The following TGIF2 variants were observed in gnomAD, a reference collection of about 807,000 sequenced individuals.
TGIF2 encodes the protein homeobox protein TGIF2.
A neutral mutation model predicts 15.1 loss-of-function variants in TGIF2; 5 were observed. That is an observed-to-expected ratio of 0.33 (90% confidence interval 0.17 to 0.70). The LOEUF (loss-of-function observed/expected upper bound fraction) is 0.70. TGIF2 is among the 30% of genes least tolerant of loss of function. TGIF2 has a pLI of 0.67. For missense variants in TGIF2, 264 were observed against 302.5 expected, an observed-to-expected ratio of 0.87 and a Z score of 0.94; for synonymous variants, 131 against 128.9, an observed-to-expected ratio of 1.02 and a Z score of -0.11.
Position 36,590,941 on chromosome 20 carries a change from G to A in TGIF2, c.224G>A (p.Arg75Gln), listed in dbSNP as rs753577002. 2.0e-6 allele frequency: 3 copies of A among 1,519,010 alleles called. No individual in the cohort carries two copies. The highest frequency in any genetic ancestry group is 2.2e-5 in the Admixed American group (1 of 45,356). The allele number at this position is 1,519,010 out of a possible 1,614,324, so 94.1% of individuals were successfully genotyped here. A position where few individuals can be genotyped will look rare whatever the true frequency, so the allele number is the denominator to read the frequency against. The change falls in exon 3 of 3, where the codon CGG (arginine) becomes CAG (glutamine). Residue 75 changes from arginine (R) to glutamine (Q), a missense_variant. Arg to Gln is a conservative substitution (Grantham distance 43). Transcript: ENST00000373872. ...AACTGGTTCATCAATGCCCGGCGGC[G>A]GCTTCTCCCAGACATGCTTCGGAAG... The part of the protein sequence containing the change: ...ICNWFINARR[R>Q]LLPDMLRKDG...
At chr20:36,587,723 AC>A (rs1454362969) in intron 2 of TGIF2, among the ~76,000 whole-genome samples, 10 of 152,058 alleles carry the variant, frequency 6.6e-5, no homozygotes, top group Non-Finnish European at 1.5e-4. Context: ...TCATCATATA[AC>A]CTGTGTGATA....
rs2038806818 is a variant in TGIF2 at position 36,593,836 on chromosome 20, A to T, written c.*2405A>T. ...GACTCTGCTTGGGTTTGGTTGTAAG[A>T]TAAACCTGGAGGAGAAGCACAGTTG... is the stretch of plus-strand genomic sequence containing the variant. On this transcript the variant is annotated 3_prime_UTR_variant, in exon 3 of 3. Coordinates refer to ENST00000373872, the MANE Select transcript of TGIF2 (RefSeq NM_021809.7). The T allele has an allele frequency of 6.6e-6, 1 of 152,638 alleles. No individual in the cohort carries two copies. Among genetic ancestry groups the T allele is most frequent in the African/African-American group, 2.4e-5 (1 of 41,460 alleles). The allele number at this position is 152,638 out of a possible 1,614,324, so 9.5% of individuals were successfully genotyped here. A position where few individuals can be genotyped will look rare whatever the true frequency, so the allele number is the denominator to read the frequency against.
At position 36,591,019 on chromosome 20, in the gene TGIF2, C is replaced by T. The variant is rs373249992; in HGVS notation, c.302C>T (p.Ser101Leu). 1.8e-5 allele frequency: 29 copies of T among 1,598,738 alleles called. No individual in the cohort carries two copies. The highest frequency in any genetic ancestry group is 2.2e-5 in the Non-Finnish European group (26 of 1,168,590). ...FTISRRGGKA[S>L]DVALPRGSSP... Reference sequence around the variant, plus strand: ...ATTTCCCGCCGCGGGGGTAAGGCCTCAGATGTGGCCCTCCCCCGTGGCAGC... The same window carrying T: ...ATTTCCCGCCGCGGGGGTAAGGCCTTAGATGTGGCCCTCCCCCGTGGCAGC... The change falls in exon 3 of 3, where the codon TCA becomes TTA. Residue 101 changes from serine to leucine, a missense_variant. Ser to Leu is a moderately radical substitution (Grantham distance 145, BLOSUM62 -2). Coordinates refer to ENST00000373872, the MANE Select transcript of TGIF2 (RefSeq NM_021809.7). The surrounding 1 kb of genome is among the most constrained non-coding windows in gnomAD (Gnocchi z 5.3).
chr20:36,584,310 C>G lies in TGIF2; in HGVS notation c.192+5344C>G, dbSNP rs182256779. On this transcript the variant is annotated intron_variant, in intron 2 of 2. Transcript: ENST00000373872. Reference sequence around the variant, plus strand: ...AAACTGTAATTGCTTTTAGACTGCACCAAATTCTAGAGGTGTGGAGAGCAC... The same window carrying G: ...AAACTGTAATTGCTTTTAGACTGCAGCAAATTCTAGAGGTGTGGAGAGCAC... Among the ~76,000 whole-genome samples, 236 of 152,266 alleles carry G rather than the reference C, an allele frequency of 1.5e-3. 1 individual carries two copies. Among genetic ancestry groups the G allele is most frequent in the East Asian group, 5.6e-3 (29 of 5,180 alleles).
chr20:36,574,306 G>T (rs977644101), intron 1 of TGIF2, among the ~76,000 whole-genome samples: 1 of 152,002 alleles, frequency 6.6e-6, no homozygotes. Context: ...CGGGGCGCGT[G>T]GGGCCGGCGC....
chr20:36,588,835 C>T (rs1464327959), intron 2 of TGIF2, among the ~76,000 whole-genome samples: 1 of 152,174 alleles, frequency 6.6e-6, no homozygotes, highest in Non-Finnish European at 1.5e-5. Context: ...AGAAGAAGGA[C>T]CTAGAGTGTG....
intron 2 of TGIF2, among the ~76,000 whole-genome samples, chr20:36,582,781 G>A (rs1237029973): frequency 6.6e-6 from 1 of 152,180 alleles, no homozygotes; most frequent in Non-Finnish European, 1.5e-5. Flanking sequence ...CTCCTTGATG[G>A]AAACTGACCA....
At chr20:36,585,268 C>T (rs1223474191) in intron 2 of TGIF2, among the ~76,000 whole-genome samples, 2 of 151,916 alleles carry the variant, frequency 1.3e-5, no homozygotes, top group Middle Eastern at 3.4e-3. Flanking sequence ...GAGGCTGAAG[C>T]GGGTGTATCA....
At chr20:36,589,811 C>T (rs1371190791) in intron 2 of TGIF2, among the ~76,000 whole-genome samples, 2 of 152,124 alleles carry the variant, frequency 1.3e-5, no homozygotes, top group Non-Finnish European at 2.9e-5. Context: ...ACCTCAGCCT[C>T]GCAAGTAGCC....
At chr20:36,580,633 G>GTACAAAAC (rs2038524455) in intron 2 of TGIF2, among the ~76,000 whole-genome samples, 1 of 151,072 alleles carries the variant, frequency 6.6e-6, no homozygotes. Context: ...GCAACATAGG[G>GTACAAAAC]AGACCCCATC....
intron 2 of TGIF2, among the ~76,000 whole-genome samples, chr20:36,587,097 G>A (rs2038675477): frequency 6.6e-6 from 1 of 152,208 alleles, no homozygotes. Flanking sequence ...GTGGAGACAA[G>A]TCACAGGTTC....
chr20:36,583,871 G>T (rs150731663), intron 2 of TGIF2, among the ~76,000 whole-genome samples: 92 of 152,038 alleles, frequency 6.1e-4, no homozygotes, highest in African/African-American at 2.0e-3. Context: ...CACTCCAGCC[G>T]GGGCAACAGA....
intron 2 of TGIF2, among the ~76,000 whole-genome samples, chr20:36,583,278 A>AAAC: frequency 6.6e-6 from 1 of 151,626 alleles, no homozygotes; most frequent in East Asian, 1.9e-4. Flanking sequence ...TCAAAAAAAA[A>AAAC]AAACAAACAA....
Position 36,591,547 on chromosome 20 carries a change from T to G in TGIF2, c.*116T>G. On this transcript the variant is annotated 3_prime_UTR_variant, in exon 3 of 3. Transcript: ENST00000373872. This position sits in a 1 kb window ranked among gnomAD's most constrained non-coding sequence, Gnocchi z 5.3. Reference sequence around the variant, plus strand: ...ACTGCCAAACATTGGGATCATCTCCTCTGTCCAGAGGTCTTCAACAGGAAG... The same window carrying G: ...ACTGCCAAACATTGGGATCATCTCCGCTGTCCAGAGGTCTTCAACAGGAAG... 1.6e-6 allele frequency: 2 copies of G among 1,221,864 alleles called. No individual in the cohort carries two copies. The highest frequency in any genetic ancestry group is 1.5e-5 in the South Asian group (1 of 68,194). 75.7% of individuals were successfully genotyped at this position (1,221,864 alleles called of 1,614,324 possible).
At chr20:36,588,259 A>G (rs1248306429) in intron 2 of TGIF2, among the ~76,000 whole-genome samples, 1 of 151,138 alleles carries the variant, frequency 6.6e-6, no homozygotes, top group Non-Finnish European at 1.5e-5. Context: ...GATTAAACAT[A>G]ATGCAAGTGA....
Position 36,591,336 on chromosome 20 carries a change from C to G in TGIF2, c.619C>G (p.Gln207Glu), listed in dbSNP as rs1443891927. The change falls in exon 3 of 3, where the codon CAG becomes GAG. Residue 207 changes from glutamine (Q) to glutamate (E), a missense_variant. Gln to Glu is a conservative substitution (Grantham distance 29). Transcript: ENST00000373872. This position sits in a 1 kb window ranked among gnomAD's most constrained non-coding sequence, Gnocchi z 5.3. ...SFQLLVEVALQRAAEMELQKQ... is the reference protein window; with the variant it reads ...SFQLLVEVALERAAEMELQKQ... ...CCAGCTGCTGGTGGAGGTGGCGCTA[C>G]AGAGGGCTGCTGAGATGGAGCTTCA... 3 of 1,614,094 alleles carry G rather than the reference C, an allele frequency of 1.9e-6. No homozygotes were observed. In the African/African-American group the frequency reaches 4.0e-5, roughly 22 times the overall value.
In TGIF2 at chr20:36,593,107, C is replaced by T. The variant is rs2038795892; in HGVS notation, c.*1676C>T. On this transcript the variant is annotated 3_prime_UTR_variant, in exon 3 of 3. Coordinates refer to ENST00000373872, the MANE Select transcript of TGIF2 (RefSeq NM_021809.7). ...GACAGTGTTCAACAATATGCCCCAT[C>T]TTTATATATCCTAAGAAACACTAAT... The T allele has an allele frequency of 6.6e-6, 1 of 152,558 alleles. No individual in the cohort carries two copies. Among genetic ancestry groups the T allele is most frequent in the African/African-American group, 2.4e-5 (1 of 41,412 alleles). The allele number at this position is 152,558 out of a possible 1,614,324, so 9.5% of individuals were successfully genotyped here. A position where few individuals can be genotyped will look rare whatever the true frequency, so the allele number is the denominator to read the frequency against.
intron 2 of TGIF2, among the ~76,000 whole-genome samples, chr20:36,579,434 G>A (rs1417239670): frequency 6.6e-6 from 1 of 152,140 alleles, no homozygotes; most frequent in African/African-American, 2.4e-5. Context: ...GCCTCCCAAA[G>A]TGCTGGGATT....
chr20:36,581,373 C>T (rs998691893), intron 2 of TGIF2, among the ~76,000 whole-genome samples: 5 of 152,242 alleles, frequency 3.3e-5, no homozygotes, highest in Middle Eastern at 3.4e-3. Context: ...CTTCAGCCTT[C>T]AGCCTTCAGC....
Sources: gnomAD v4.1 joint callset for allele counts (sites outside exome capture counted in the v4.1 genomes callset) on GRCh38, gnomAD v4.1.1 for gene constraint, Gnocchi (gnomAD v3.1) non-coding constraint, MANE v1.5 for transcripts, NCBI Gene and HGNC (gene_info 2026-07-23, HGNC 2026-07-21) for gene names.